Variants in ADAMTS18 observed in about 807,000 individuals in gnomAD.
ADAMTS18 encodes A disintegrin and metalloproteinase with thrombospondin motifs 18.
A neutral mutation model predicts 165.9 loss-of-function variants in ADAMTS18; 157 were observed. The ratio of observed to expected loss-of-function variants is 0.95; its 90% CI spans 0.83 to 1.08. The LOEUF is 1.08. ADAMTS18 is among the 50% of genes least tolerant of loss of function. The probability of loss-of-function intolerance (pLI) is 0.00; values close to 1 mark genes in which losing one functional copy is unlikely to be tolerated. For synonymous variants in ADAMTS18, 782 were observed against 578.2 expected, an observed-to-expected ratio of 1.35 and a Z score of -5.06; for missense variants, 2,040 against 1,534.0, an observed-to-expected ratio of 1.33 and a Z score of -5.51.
chr16:77,302,647 C>A (rs2055606841), intron 16 of ADAMTS18, among the ~76,000 whole-genome samples: 1 of 152,142 alleles, frequency 6.6e-6, no homozygotes, highest in South Asian at 2.1e-4. Context: ...GGGAACAGAT[C>A]CCCAATAAAA....
At chr16:77,409,936 C>T (rs1236393720) in intron 3 of ADAMTS18, among the ~76,000 whole-genome samples, 1 of 152,076 alleles carries the variant, frequency 6.6e-6, no homozygotes, top group Non-Finnish European at 1.5e-5. Context: ...CTAGAATTCT[C>T]AGTATTTGTC....
rs548999582 is a variant in ADAMTS18, at chr16:77,323,721, A to G, written c.2033-1255T>C. ...CTAAATTGCAGGAATGTCACAAGAC[A>G]TTCAAGTCATGGTCAGTCTCCTCTG... On this transcript the variant is annotated intron_variant, in intron 13 of 22. Coordinates refer to ENST00000282849, the MANE Select transcript of ADAMTS18 (RefSeq NM_199355.4). Among the ~76,000 whole-genome samples, 13 of 152,318 alleles carry G rather than the reference A, an allele frequency of 8.5e-5. No homozygotes were observed. In the East Asian group the frequency reaches 2.1e-3, roughly 25 times the overall value.
chr16:77,413,237 G>A (rs998480176), intron 3 of ADAMTS18, among the ~76,000 whole-genome samples: 1 of 152,062 alleles, frequency 6.6e-6, no homozygotes, highest in Non-Finnish European at 1.5e-5. Flanking sequence ...AAGTATTCCT[G>A]AGAAAACCCT....
intron 3 of ADAMTS18, among the ~76,000 whole-genome samples, chr16:77,430,149 A>AAAACAAAC (rs35091044): frequency 0.016 from 2,224 of 143,480 alleles, 58 homozygotes; most frequent in African/African-American, 0.052. Context: ...GTGCCACAAC[A>AAAACAAAC]AAACAAACAA....
chr16:77,311,780 G>A (rs750639669), intron 16 of ADAMTS18, among the ~76,000 whole-genome samples: 4 of 150,510 alleles, frequency 2.7e-5, no homozygotes, highest in East Asian at 2.0e-4. Context: ...AGCAAGGCAC[G>A]TCCAATTAAT....
intron 7 of ADAMTS18, among the ~76,000 whole-genome samples, chr16:77,361,231 ACTGT>A (rs1284234394): frequency 2.0e-5 from 3 of 152,308 alleles, no homozygotes; most frequent in Non-Finnish European, 2.9e-5. Flanking sequence ...TAACATATTG[ACTGT>A]CTGGCCCTTC....
chr16:77,321,573 G>T (rs274519), intron 14 of ADAMTS18, among the ~76,000 whole-genome samples: 4 of 151,948 alleles, frequency 2.6e-5, no homozygotes, highest in South Asian at 2.1e-4. Flanking sequence ...AAAGATCAAA[G>T]GGCTCAAACT....
intron 3 of ADAMTS18, among the ~76,000 whole-genome samples, chr16:77,403,918 A>G (rs932273783): frequency 2.0e-5 from 3 of 152,164 alleles, no homozygotes; most frequent in African/African-American, 7.2e-5. Flanking sequence ...TTGGCTGGGA[A>G]GGAAGGCTTT....
chr16:77,401,242 A>C (rs1199074384), intron 3 of ADAMTS18, among the ~76,000 whole-genome samples: 1 of 152,176 alleles, frequency 6.6e-6, no homozygotes, highest in African/African-American at 2.4e-5. Flanking sequence ...CAAAACAGCT[A>C]AACTCCATCT....
At chr16:77,337,836 T>G (rs2056333634) in intron 11 of ADAMTS18, among the ~76,000 whole-genome samples, 1 of 151,988 alleles carries the variant, frequency 6.6e-6, no homozygotes, top group Non-Finnish European at 1.5e-5. Flanking sequence ...CATGAATAGG[T>G]AAAATTCTAC....
intron 12 of ADAMTS18, among the ~76,000 whole-genome samples, chr16:77,332,866 T>A (rs1182206133): frequency 6.6e-6 from 1 of 152,200 alleles, no homozygotes; most frequent in Non-Finnish European, 1.5e-5. Context: ...GAATTTGCTG[T>A]CAATATTTTT....
chr16:77,427,315 A>G (rs62043624), intron 3 of ADAMTS18, among the ~76,000 whole-genome samples: 43,574 of 152,144 alleles, frequency 0.29, 7,293 homozygotes, highest in Non-Finnish European at 0.39. Flanking sequence ...CTCTTAGTAC[A>G]TAGGAAGAAA....
At chr16:77,407,654 A>C (rs2057410063) in intron 3 of ADAMTS18, among the ~76,000 whole-genome samples, 1 of 152,014 alleles carries the variant, frequency 6.6e-6, no homozygotes, top group African/African-American at 2.4e-5. Context: ...ATACACAATC[A>C]CCTATGACAA....
chr16:77,383,663 C>G (rs1449916528), intron 3 of ADAMTS18, among the ~76,000 whole-genome samples: 1 of 152,120 alleles, frequency 6.6e-6, no homozygotes, highest in Non-Finnish European at 1.5e-5. Flanking sequence ...CTGCCTCAGC[C>G]TCCCAAGTAG....
At chr16:77,433,696 G>T (rs547870722) in intron 2 of ADAMTS18, among the ~76,000 whole-genome samples, 4 of 152,324 alleles carry the variant, frequency 2.6e-5, no homozygotes, top group Admixed American at 2.0e-4. Context: ...AAAGAATCCA[G>T]GTTGAGCTGT....
chr16:77,333,177 G>A (rs1382476779), intron 12 of ADAMTS18, among the ~76,000 whole-genome samples: 1 of 152,126 alleles, frequency 6.6e-6, no homozygotes, highest in African/African-American at 2.4e-5. Flanking sequence ...TTTGGTTTCT[G>A]CCCACCATAC....
chr16:77,383,521 G>C (rs1040979742), intron 3 of ADAMTS18, among the ~76,000 whole-genome samples: 1 of 150,974 alleles, frequency 6.6e-6, no homozygotes, highest in Non-Finnish European at 1.5e-5. Context: ...CTTCATGTAG[G>C]TTTTTGTCCA....
At position 77,315,879 on chromosome 16, in the gene ADAMTS18, C is replaced by G. The variant is rs553900502; in HGVS notation, c.2532+3970G>C. On this transcript the variant is annotated intron_variant, in intron 16 of 22. Coordinates refer to ENST00000282849, the MANE Select transcript of ADAMTS18 (RefSeq NM_199355.4). Reference sequence around the variant, plus strand: ...AACACACACTCAACCGCCTACTTGACAGCTACTCTTGAATATCTAAGGTAC... The same window carrying G: ...AACACACACTCAACCGCCTACTTGAGAGCTACTCTTGAATATCTAAGGTAC... Among the ~76,000 whole-genome samples the G allele has an allele frequency of 4.6e-5, 7 of 152,298 alleles. No homozygotes were observed. The South Asian group carries it at 8.3e-4, about 18-fold the overall frequency.
chr16:77,348,860 T>C (rs757262625), intron 10 of ADAMTS18, among the ~76,000 whole-genome samples: 6 of 152,118 alleles, frequency 3.9e-5, no homozygotes, highest in East Asian at 1.9e-4. Context: ...AACACTTGAA[T>C]TGAATCTTTA....
Sources: allele counts gnomAD v4.1 joint callset (sites outside exome capture counted in the v4.1 genomes callset), GRCh38; gene constraint gnomAD v4.1.1; transcripts MANE v1.5; gene names NCBI Gene and HGNC (gene_info 2026-07-23, HGNC 2026-07-21).